The following HSF2BP variants were observed in gnomAD, a reference collection of about 807,000 sequenced individuals.
HSF2BP encodes the protein heat shock factor 2-binding protein.
A neutral mutation model predicts 35.0 loss-of-function variants in HSF2BP; 35 were observed. The ratio of observed to expected loss-of-function variants is 1.00; its 90% CI spans 0.76 to 1.32. The LOEUF (loss-of-function observed/expected upper bound fraction) is 1.32, where lower values mean the gene tolerates loss of function less well. Ranked by LOEUF, HSF2BP falls within the 40% of genes most tolerant of loss-of-function variation. The pLI, the probability that HSF2BP is intolerant of heterozygous loss-of-function variation, is 0.00. For synonymous variants in HSF2BP, 114 were observed against 117.4 expected, an observed-to-expected ratio of 0.97 and a Z score of 0.18; for missense variants, 326 against 321.7, an observed-to-expected ratio of 1.01 and a Z score of -0.10.
chr21:43,638,777 C>T (rs1487762009), intron 4 of HSF2BP, among the ~76,000 whole-genome samples: 1 of 152,116 alleles, frequency 6.6e-6, no homozygotes, highest in Non-Finnish European at 1.5e-5. Context: ...AAAATTCCAG[C>T]AAGGTTTTTG....
intron 8 of HSF2BP, among the ~76,000 whole-genome samples, chr21:43,582,561 G>A (rs1601617716): frequency 3.5e-5 from 3 of 85,936 alleles, no homozygotes; most frequent in African/African-American, 5.0e-5. Context: ...AGGGAGATGA[G>A]GACCTGCTGA....
chr21:43,573,568 G>A (rs2081603043), intron 8 of HSF2BP, among the ~76,000 whole-genome samples: 1 of 152,216 alleles, frequency 6.6e-6, no homozygotes, highest in Admixed American at 6.5e-5. Context: ...CTTCGTTCAT[G>A]TGATAAATGC....
chr21:43,606,007 G>A (rs933731688), intron 7 of HSF2BP, among the ~76,000 whole-genome samples: 14 of 152,068 alleles, frequency 9.2e-5, no homozygotes, highest in African/African-American at 2.9e-4. Flanking sequence ...AGCTGAGGCG[G>A]CCACACTCAC....
At chr21:43,601,142 G>A (rs988440886) in intron 7 of HSF2BP, among the ~76,000 whole-genome samples, 3 of 152,136 alleles carry the variant, frequency 2.0e-5, no homozygotes, top group Non-Finnish European at 4.4e-5. Flanking sequence ...TATGGAAAAC[G>A]TTCTCTGGAG....
chr21:43,625,707 A>C (rs891057499), intron 6 of HSF2BP, among the ~76,000 whole-genome samples: 5 of 152,196 alleles, frequency 3.3e-5, no homozygotes, highest in Non-Finnish European at 5.9e-5. Context: ...ATAAGCCCCC[A>C]AGCCTCTGCA....
chr21:43,581,576 T>C (rs2146709656), intron 8 of HSF2BP, among the ~76,000 whole-genome samples: 1 of 152,128 alleles, frequency 6.6e-6, no homozygotes, highest in East Asian at 1.9e-4. Context: ...ACAACACAGA[T>C]AAATTTTCTC....
At position 43,641,675 on chromosome 21, in the gene HSF2BP, C is replaced by T. The variant is rs543151054; in HGVS notation, c.291+2614G>A. ...AGAAGTACTTACTAGCAGCCAGGCA[C>T]GGTGGCTCACGCCTGTAAACCCAGC... On this transcript the variant is annotated intron_variant, in intron 4 of 8. Transcript: ENST00000291560. Among the ~76,000 whole-genome samples the T allele has an allele frequency of 1.2e-4, 18 of 152,112 alleles. No homozygotes were observed. The East Asian group carries it at 2.1e-3, about 18-fold the overall frequency.
chr21:43,612,650 C>CAA (rs762585967), intron 7 of HSF2BP, among the ~76,000 whole-genome samples: 42,900 of 76,244 alleles, frequency 0.56, 11,580 homozygotes, highest in East Asian at 0.77. Context: ...GACTCCGTCT[C>CAA]AAAAAAAAAA....
intron 5 of HSF2BP, among the ~76,000 whole-genome samples, chr21:43,632,932 TGTTA>T (rs2082501728): frequency 6.6e-6 from 1 of 152,176 alleles, no homozygotes; most frequent in East Asian, 1.9e-4. Context: ...CATGTATATA[TGTTA>T]GATAACACAA....
At chr21:43,649,498 G>C (rs953275609) in intron 3 of HSF2BP, among the ~76,000 whole-genome samples, 1 of 151,986 alleles carries the variant, frequency 6.6e-6, no homozygotes. Context: ...ACACTAGTTC[G>C]CATTCACTGC....
At chr21:43,650,150 C>T (rs935498013) in intron 3 of HSF2BP, among the ~76,000 whole-genome samples, 1 of 152,166 alleles carries the variant, frequency 6.6e-6, no homozygotes, top group African/African-American at 2.4e-5. Flanking sequence ...ATTTTAAAAA[C>T]AAATACCCAG....
intron 8 of HSF2BP, among the ~76,000 whole-genome samples, chr21:43,574,525 T>A (rs1168989152): frequency 1.3e-5 from 2 of 152,076 alleles, no homozygotes; most frequent in African/African-American, 4.8e-5. Flanking sequence ...GCCTAGCTAA[T>A]TTTTTATATT....
intron 7 of HSF2BP, among the ~76,000 whole-genome samples, chr21:43,599,619 C>T (rs994032804): frequency 1.3e-5 from 2 of 151,838 alleles, no homozygotes; most frequent in Admixed American, 6.6e-5. Context: ...CATGGTGAAA[C>T]CTCATCTCTA....
chr21:43,633,272 T>C lies in HSF2BP; in HGVS notation c.441A>G (p.Gly147=), dbSNP rs766345353. Residue 147 remains glycine, a splice_region_variant and synonymous_variant, in exon 5 of 9, where the codon GGA becomes GGG. Transcript: ENST00000291560. Reference sequence around the variant, plus strand: ...TGGAGAGCCCACTGACCATACTTACTCCTCCCAAAATGGCCTTGACGACTT... The same window carrying C: ...TGGAGAGCCCACTGACCATACTTACCCCTCCCAAAATGGCCTTGACGACTT... The part of the protein sequence containing the change: ...SEEVVKAILG[G]DKALKFFSIT... 17 of 1,611,126 alleles carry C rather than the reference T, an allele frequency of 1.1e-5. No individual in the cohort carries two copies. The highest frequency in any genetic ancestry group is 1.7e-5 in the Admixed American group (1 of 59,256).
chr21:43,632,877 ATG>A (rs140139849), intron 5 of HSF2BP, among the ~76,000 whole-genome samples: 2 of 150,454 alleles, frequency 1.3e-5, no homozygotes, highest in Non-Finnish European at 3.0e-5. Flanking sequence ...ATCTATATGT[ATG>A]TGTGTGTGTG....
chr21:43,659,251 C>T lies in HSF2BP; in HGVS notation c.-225+135G>A, dbSNP rs2082930347. On this transcript the variant is annotated intron_variant, in intron 1 of 8. Coordinates refer to ENST00000291560, the MANE Select transcript of HSF2BP (RefSeq NM_007031.2). This position sits in a 1 kb window ranked among gnomAD's most constrained non-coding sequence, Gnocchi z 4.2. ...GGTCGAGGCTGCAGTGAGCCAGGAT[C>T]ACCGCCAAGATCGCGCCACTGCATT... The T allele has an allele frequency of 6.5e-6, 1 of 152,680 alleles. No individual in the cohort carries two copies. The highest frequency in any genetic ancestry group is 1.5e-5 in the Non-Finnish European group (1 of 68,446). 9.5% of individuals were successfully genotyped at this position (152,680 alleles called of 1,614,324 possible).
intron 6 of HSF2BP, among the ~76,000 whole-genome samples, chr21:43,617,665 G>A (rs978836054): frequency 6.6e-6 from 1 of 151,864 alleles, no homozygotes; most frequent in Non-Finnish European, 1.5e-5. Context: ...CATAATTCAA[G>A]AAATGGGGCC....
At chr21:43,620,705 ACATCATCATCATCAT>A (rs536672707) in intron 6 of HSF2BP, among the ~76,000 whole-genome samples, 8 of 151,562 alleles carry the variant, frequency 5.3e-5, no homozygotes, top group African/African-American at 1.9e-4. Flanking sequence ...TAAAAAATCA[ACATCATCATCATCAT>A]CATCATCATC....
At chr21:43,605,023 C>G (rs79223469) in intron 7 of HSF2BP, among the ~76,000 whole-genome samples, 1,892 of 137,854 alleles carry the variant, frequency 0.014, 39 homozygotes, top group African/African-American at 0.047. Flanking sequence ...ACACACACAT[C>G]ACACACACCA....
Sources: allele counts gnomAD v4.1 joint callset (sites outside exome capture counted in the v4.1 genomes callset), GRCh38; gene constraint gnomAD v4.1.1; non-coding constraint Gnocchi (gnomAD v3.1); transcripts MANE v1.5; gene names NCBI Gene and HGNC (gene_info 2026-07-23, HGNC 2026-07-21).